RAI14: variants seen among roughly 807,000 people sequenced by gnomAD.
The protein encoded by RAI14 is ankycorbin.
Under a neutral mutation model 115.4 loss-of-function variants are expected in RAI14, and 45 were observed. That is an observed-to-expected ratio of 0.39 (90% CI 0.31 to 0.50). RAI14 has a LOEUF of 0.50. Ranked by LOEUF, RAI14 falls within the 20% of genes least tolerant of loss-of-function variation. RAI14 has a pLI of 0.85. For synonymous variants in RAI14, 371 were observed against 415.4 expected (o/e 0.89, Z 1.30); for missense variants, 939 against 1,131.2 (o/e 0.83, Z 2.44).
chr5:34,692,835 C>G (rs1177378622), intron 2 of RAI14, among the ~76,000 whole-genome samples: 1 of 152,118 alleles, frequency 6.6e-6, no homozygotes, highest in Non-Finnish European at 1.5e-5. Context: ...TACCACAAAC[C>G]AGGTGGCTGA....
chr5:34,701,253 T>G (rs376534167), intron 2 of RAI14, among the ~76,000 whole-genome samples: 94 of 152,304 alleles, frequency 6.2e-4, no homozygotes, highest in African/African-American at 2.2e-3. Context: ...GGAAGAAAAT[T>G]AAAATATTTT....
At chr5:34,658,285 C>A (rs939041211) in intron 1 of RAI14, among the ~76,000 whole-genome samples, 2 of 152,116 alleles carry the variant, frequency 1.3e-5, no homozygotes, top group South Asian at 2.1e-4. Flanking sequence ...CAGTAGTGAA[C>A]CTGACAGTGA....
At chr5:34,744,861 C>G (rs1745967798) in intron 2 of RAI14, among the ~76,000 whole-genome samples, 1 of 152,188 alleles carries the variant, frequency 6.6e-6, no homozygotes, top group Non-Finnish European at 1.5e-5. Context: ...TGCTCCCTCC[C>G]AAGGTTCTAG....
chr5:34,803,854 C>A, intron 5 of RAI14, 78 bp downstream of exon 5: 1 of 1,299,922 alleles, frequency 7.7e-7, no homozygotes, highest in Non-Finnish European at 1.1e-6. Flanking sequence ...AAAGAACAAA[C>A]ACACCCTCCA....
chr5:34,783,471 T>C (rs1751916064), intron 3 of RAI14, among the ~76,000 whole-genome samples: 1 of 152,230 alleles, frequency 6.6e-6, no homozygotes, highest in Non-Finnish European at 1.5e-5. Context: ...AAGCATAACC[T>C]CTACCCCAAG....
chr5:34,720,441 C>A (rs931229760), intron 2 of RAI14, among the ~76,000 whole-genome samples: 2 of 130,630 alleles, frequency 1.5e-5, no homozygotes, highest in African/African-American at 5.7e-5. Context: ...GATGGAGTCT[C>A]GCTCTGTCGC....
chr5:34,689,054 T>C (rs1738230463), intron 2 of RAI14, among the ~76,000 whole-genome samples: 1 of 152,200 alleles, frequency 6.6e-6, no homozygotes, highest in South Asian at 2.1e-4. Flanking sequence ...GGCAGTCTGA[T>C]TCAAGAGCCC....
intron 3 of RAI14, among the ~76,000 whole-genome samples, chr5:34,764,089 G>T (rs1180629213): frequency 6.6e-6 from 1 of 152,162 alleles, no homozygotes; most frequent in African/African-American, 2.4e-5. Context: ...GACCTCAAGT[G>T]ATCTGCCCGC....
chr5:34,762,529 G>A (rs2150107851), intron 3 of RAI14, among the ~76,000 whole-genome samples: 1 of 151,978 alleles, frequency 6.6e-6, no homozygotes, highest in South Asian at 2.1e-4. Context: ...TGATCAAAGA[G>A]GGGTTAAAAA....
chr5:34,708,272 G>A lies in RAI14; in HGVS notation c.36+21317G>A, dbSNP rs369682515. 6.0e-5 allele frequency among the ~76,000 whole-genome samples: 9 copies of A among 149,934 alleles called. No individual in the cohort carries two copies. The South Asian group carries it at 1.3e-3, about 21-fold the overall frequency. On this transcript the variant is annotated intron_variant, in intron 2 of 17. Transcript: ENST00000265109. Reference sequence around the variant, plus strand: ...GGCTGGGGTGCAATGGCGCGATCTCGGCTCACTGCAACCTCTGCCTCCCGC... The same window carrying A: ...GGCTGGGGTGCAATGGCGCGATCTCAGCTCACTGCAACCTCTGCCTCCCGC...
At chr5:34,672,181 A>T (rs1743663398) in intron 1 of RAI14, among the ~76,000 whole-genome samples, 1 of 152,144 alleles carries the variant, frequency 6.6e-6, no homozygotes, top group Non-Finnish European at 1.5e-5. Context: ...AAACTGAATG[A>T]TTTTGTAGGC....
chr5:34,727,610 G>T (rs1743633741), intron 2 of RAI14, among the ~76,000 whole-genome samples: 1 of 152,160 alleles, frequency 6.6e-6, no homozygotes, highest in South Asian at 2.1e-4. Context: ...TTGGTGTCCT[G>T]CATACCACCT....
chr5:34,821,978 A>C, intron 14 of RAI14, 128 bp downstream of exon 14: 1 of 480,922 alleles, frequency 2.1e-6, no homozygotes, highest in Non-Finnish European at 3.7e-6. Flanking sequence ...TAAGCATCTT[A>C]TAGTTTCAGA....
intron 3 of RAI14, among the ~76,000 whole-genome samples, chr5:34,776,884 A>G (rs1255556581): frequency 6.6e-6 from 1 of 151,632 alleles, no homozygotes; most frequent in Admixed American, 6.6e-5. Context: ...AAACAAGGAA[A>G]AGAGCTGGGT....
chr5:34,700,598 C>G (rs574966870), intron 2 of RAI14, among the ~76,000 whole-genome samples: 1 of 152,190 alleles, frequency 6.6e-6, no homozygotes, highest in Non-Finnish European at 1.5e-5. Context: ...CCTCTCTGTT[C>G]AGCATTTACC....
intron 8 of RAI14, among the ~76,000 whole-genome samples, 170 bp from the exon 9 acceptor site, chr5:34,811,597 C>CAA (rs1755591630): frequency 6.9e-6 from 1 of 144,212 alleles, no homozygotes; most frequent in Non-Finnish European, 1.5e-5. Context: ...AAAAAAAAAA[C>CAA]CACCTAATTT....
At chr5:34,787,892 G>GCTTT (rs1752484140) in intron 3 of RAI14, among the ~76,000 whole-genome samples, 1 of 29,348 alleles carries the variant, frequency 3.4e-5, no homozygotes. Flanking sequence ...GGATACTACT[G>GCTTT]ATTTTTTTTT....
intron 16 of RAI14, among the ~76,000 whole-genome samples, chr5:34,828,302 G>A (rs530550918): frequency 0.01 from 1,539 of 152,264 alleles, 21 homozygotes; most frequent in African/African-American, 0.029. Context: ...TTGCTGAACT[G>A]AAGAGGAGCA....
intron 1 of RAI14, among the ~76,000 whole-genome samples, chr5:34,677,485 C>CT (rs1744074388): frequency 6.6e-6 from 1 of 150,832 alleles, no homozygotes; most frequent in Admixed American, 6.6e-5. Context: ...CTCACTCTGT[C>CT]TCCCAGGCTG....
Sources: allele counts gnomAD v4.1 joint callset (sites outside exome capture counted in the v4.1 genomes callset), GRCh38; gene constraint gnomAD v4.1.1; transcripts MANE v1.5; gene names NCBI Gene and HGNC (gene_info 2026-07-23, HGNC 2026-07-21).